FMNL2: variants seen among roughly 807,000 people sequenced by gnomAD.
FMNL2 encodes formin-like protein 2.
A neutral mutation model predicts 130.2 loss-of-function variants in FMNL2; 51 were observed. The observed-to-expected ratio is 0.39, with a 90% CI of 0.31 to 0.49. The LOEUF (loss-of-function observed/expected upper bound fraction) is 0.49. FMNL2 is among the 20% of genes least tolerant of loss of function. The probability of loss-of-function intolerance (pLI) is 0.85; values close to 1 mark genes in which losing one functional copy is unlikely to be tolerated. For synonymous variants in FMNL2, 465 were observed against 467.1 expected, an observed-to-expected ratio of 1.00 and a Z score of 0.06; for missense variants, 977 against 1,316.2, an observed-to-expected ratio of 0.74 and a Z score of 3.99.
chr2:152,543,922 A>G (rs1349425526), intron 3 of FMNL2, among the ~76,000 whole-genome samples: 1 of 152,110 alleles, frequency 6.6e-6, no homozygotes, highest in African/African-American at 2.4e-5. Flanking sequence ...ACAACCTTCA[A>G]TCCAGGAACG....
At chr2:152,475,246 T>C (rs1211772005) in intron 1 of FMNL2, among the ~76,000 whole-genome samples, 2 of 152,222 alleles carry the variant, frequency 1.3e-5, no homozygotes, top group Admixed American at 1.3e-4. Context: ...CATAAAAATA[T>C]AGCTAACATG....
chr2:152,521,542 A>T (rs1444475499), intron 1 of FMNL2, among the ~76,000 whole-genome samples: 1 of 151,934 alleles, frequency 6.6e-6, no homozygotes, highest in African/African-American at 2.4e-5. Context: ...TGAATCTATC[A>T]GTGATTCTGA....
At chr2:152,452,181 T>C (rs1209280917) in intron 1 of FMNL2, among the ~76,000 whole-genome samples, 3 of 152,164 alleles carry the variant, frequency 2.0e-5, no homozygotes, top group African/African-American at 7.2e-5. Flanking sequence ...CGAAAGACAG[T>C]TGAGGGACTT....
intron 21 of FMNL2, among the ~76,000 whole-genome samples, chr2:152,634,511 A>G (rs960885892): frequency 7.2e-5 from 11 of 152,236 alleles, no homozygotes; most frequent in Admixed American, 2.0e-4. Flanking sequence ...CCAATGAGAA[A>G]TAAGTTTGTT....
At chr2:152,628,612 G>A (rs531246198) in intron 18 of FMNL2, 79 bp downstream of exon 18, 17 of 1,271,032 alleles carry the variant, frequency 1.3e-5, no homozygotes, top group Middle Eastern at 2.0e-4. Context: ...TCCCAGAATC[G>A]TACTCAGTGT....
intron 6 of FMNL2, among the ~76,000 whole-genome samples, chr2:152,565,630 A>G (rs1003703818): frequency 5.3e-5 from 8 of 152,168 alleles, no homozygotes; most frequent in Non-Finnish European, 1.2e-4. Context: ...CATAGTTTAC[A>G]TATTCCCATT....
chr2:152,424,507 C>T (rs1236663791), intron 1 of FMNL2, among the ~76,000 whole-genome samples: 1 of 151,946 alleles, frequency 6.6e-6, no homozygotes, highest in Non-Finnish European at 1.5e-5. Flanking sequence ...TCTCCTGCCT[C>T]AGCCTCCCGA....
intron 1 of FMNL2, among the ~76,000 whole-genome samples, chr2:152,365,997 G>T (rs937935294): frequency 1.3e-5 from 2 of 152,058 alleles, no homozygotes; most frequent in Non-Finnish European, 2.9e-5. Context: ...AAATTAACAT[G>T]TAGTAGCAGA....
chr2:152,421,308 A>G lies in FMNL2; in HGVS notation c.117+85588A>G, dbSNP rs574348981. Among the ~76,000 whole-genome samples the G allele has an allele frequency of 1.8e-4, 27 of 152,324 alleles. No individual in the cohort carries two copies. In the East Asian group the frequency reaches 2.9e-3, roughly 16 times the overall value. On this transcript the variant is annotated intron_variant, in intron 1 of 25. Coordinates refer to ENST00000288670, the MANE Select transcript of FMNL2 (RefSeq NM_052905.4). Reference sequence around the variant, plus strand: ...ATGTGAGGTATTTGAACCAACCACAAATTAATTATCCTACTATATTTGCAG... The same window carrying G: ...ATGTGAGGTATTTGAACCAACCACAGATTAATTATCCTACTATATTTGCAG...
chr2:152,521,379 C>T (rs1054643499), intron 1 of FMNL2, among the ~76,000 whole-genome samples: 1 of 152,158 alleles, frequency 6.6e-6, no homozygotes, highest in African/African-American at 2.4e-5. Context: ...TATAGCTCAA[C>T]TGAGAATTGT....
At position 152,607,341 on chromosome 2, in the gene FMNL2, T is replaced by G; in HGVS notation, c.879T>G (p.Val293=). 2 of 1,613,354 alleles carry G rather than the reference T, an allele frequency of 1.2e-6. No homozygotes were observed. The highest frequency in any genetic ancestry group is 1.7e-6 in the Non-Finnish European group (2 of 1,179,518). ...ILSAFDNFKE[V]CGEKQRFEKL... ...CACAATGAAAATGTGTGTTTCAGGTTTGTGGAGAAAAACAGCGCTTTGAGA... is the reference window on the plus strand; with the variant it reads ...CACAATGAAAATGTGTGTTTCAGGTGTGTGGAGAAAAACAGCGCTTTGAGA... The change falls in exon 10 of 26, where the codon GTT becomes GTG. Residue 293 remains valine (V), a splice_region_variant and synonymous_variant. Coordinates refer to ENST00000288670, the MANE Select transcript of FMNL2 (RefSeq NM_052905.4).
At chr2:152,603,355 T>C (rs1374451227) in intron 9 of FMNL2, among the ~76,000 whole-genome samples, 1 of 152,024 alleles carries the variant, frequency 6.6e-6, no homozygotes, top group Non-Finnish European at 1.5e-5. Context: ...TGGGTTATTT[T>C]CGCCAAGTTC....
rs1376560263 is a variant in FMNL2 at position 152,648,157 on chromosome 2, C to T, written c.*252C>T. On this transcript the variant is annotated 3_prime_UTR_variant, in exon 26 of 26. Transcript: ENST00000288670. The stretch of plus-strand genomic sequence containing the variant: ...GATTTGATTAGGTATCTTTTTACAC[C>T]AGTATGTTATTTTTAACCAAAATGT... 1 of 417,758 alleles carries T rather than the reference C, an allele frequency of 2.4e-6. No individual in the cohort carries two copies. Among genetic ancestry groups the T allele is most frequent in the Non-Finnish European group, 4.2e-6 (1 of 235,992 alleles). The allele number at this position is 417,758 out of a possible 1,614,324, so 25.9% of individuals were successfully genotyped here.
intron 1 of FMNL2, among the ~76,000 whole-genome samples, chr2:152,356,004 T>A (rs1170563467): frequency 6.6e-6 from 1 of 152,258 alleles, no homozygotes; most frequent in African/African-American, 2.4e-5. Flanking sequence ...CTATGCACTC[T>A]TGTTAAAAAT....
chr2:152,561,174 T>C, intron 6 of FMNL2, 139 bp downstream of exon 6: 1 of 902,236 alleles, frequency 1.1e-6, no homozygotes, highest in Non-Finnish European at 1.6e-6. Context: ...AAATGAATGT[T>C]TCTTTAGGAG....
chr2:152,410,862 G>A (rs758395126), intron 1 of FMNL2, among the ~76,000 whole-genome samples: 2 of 152,176 alleles, frequency 1.3e-5, no homozygotes, highest in African/African-American at 2.4e-5. Context: ...TGGCCTTACG[G>A]TAGCTTGCTG....
chr2:152,627,507 T>C (rs1681873009), intron 17 of FMNL2, among the ~76,000 whole-genome samples: 1 of 152,222 alleles, frequency 6.6e-6, no homozygotes, highest in East Asian at 1.9e-4. Flanking sequence ...TGTTCCAATT[T>C]TGTGTCCTCA....
chr2:152,335,865 C>T (rs569864447), intron 1 of FMNL2, 145 bp downstream of exon 1: 9 of 535,622 alleles, frequency 1.7e-5, no homozygotes, highest in South Asian at 5.1e-5. Flanking sequence ...TTTGTGGCCC[C>T]CCAGCACTCC....
intron 25 of FMNL2, among the ~76,000 whole-genome samples, chr2:152,642,143 T>C: frequency 6.6e-6 from 1 of 152,132 alleles, no homozygotes; most frequent in South Asian, 2.1e-4. Context: ...GGTTTCACCG[T>C]GTTAGCCAGG....
Sources: gnomAD v4.1 joint callset for allele counts (sites outside exome capture counted in the v4.1 genomes callset) on GRCh38, gnomAD v4.1.1 for gene constraint, MANE v1.5 for transcripts, NCBI Gene and HGNC (gene_info 2026-07-23, HGNC 2026-07-21) for gene names.